DNAJC1: variants seen among roughly 807,000 people sequenced by gnomAD.
DNAJC1 encodes the protein dnaJ homolog subfamily C member 1.
Under a neutral mutation model 76.6 loss-of-function variants are expected in DNAJC1, and 58 were observed. The ratio of observed to expected loss-of-function variants is 0.76; its 90% confidence interval spans 0.61 to 0.94. DNAJC1 has a LOEUF of 0.94. Among genes scored for constraint, DNAJC1 ranks in the 40% least tolerant of loss-of-function variants. The pLI is 0.00. For synonymous variants in DNAJC1, 258 were observed against 267.9 expected, an observed-to-expected ratio of 0.96 and a Z score of 0.36; for missense variants, 689 against 677.3, an observed-to-expected ratio of 1.02 and a Z score of -0.19.
chr10:21,771,257 T>G (rs1281683939), intron 9 of DNAJC1, among the ~76,000 whole-genome samples: 4 of 152,200 alleles, frequency 2.6e-5, no homozygotes, highest in Non-Finnish European at 5.9e-5. Flanking sequence ...TTTTACTTCT[T>G]TTTTTCCATC....
At chr10:21,864,821 G>T (rs1335588412) in intron 8 of DNAJC1, among the ~76,000 whole-genome samples, 1 of 151,990 alleles carries the variant, frequency 6.6e-6, no homozygotes, top group East Asian at 1.9e-4. Flanking sequence ...ATGGGAGAAC[G>T]TATCTGCAAA....
intron 1 of DNAJC1, among the ~76,000 whole-genome samples, chr10:21,991,478 T>C (rs955839943): frequency 2.0e-5 from 3 of 152,168 alleles, no homozygotes; most frequent in African/African-American, 7.2e-5. Flanking sequence ...TCAAAATGTA[T>C]ACTATAGATA....
chr10:21,800,842 C>A (rs1253281164), intron 9 of DNAJC1, among the ~76,000 whole-genome samples: 2 of 152,014 alleles, frequency 1.3e-5, no homozygotes, highest in African/African-American at 4.8e-5. Flanking sequence ...TAAGTGTATT[C>A]TTTGATGTTT....
At position 21,806,103 on chromosome 10, in the gene DNAJC1, C is replaced by A. The variant is rs753519579; in HGVS notation, c.979-4G>T. ...CCTCTTCTGTCCATTCAGGTGCCTG[C>A]AAAACATTAAAGAAAATAAAAAAAG... On this transcript the variant is annotated splice_region_variant and splice_polypyrimidine_tract_variant and intron_variant, in intron 8 of 11. Coordinates refer to ENST00000376980, the MANE Select transcript of DNAJC1 (RefSeq NM_022365.4). 5.3e-5 allele frequency: 84 copies of A among 1,576,154 alleles called. No individual in the cohort carries two copies. Among genetic ancestry groups the A allele is most frequent in the East Asian group, 7.0e-5 (3 of 43,060 alleles).
chr10:21,862,393 A>T (rs1368476709), intron 8 of DNAJC1, among the ~76,000 whole-genome samples: 1 of 151,904 alleles, frequency 6.6e-6, no homozygotes, highest in Non-Finnish European at 1.5e-5. Flanking sequence ...AGGCAGTGTC[A>T]GAAAGATTTC....
At chr10:21,879,777 C>G (rs536175176) in intron 8 of DNAJC1, among the ~76,000 whole-genome samples, 17 of 152,294 alleles carry the variant, frequency 1.1e-4, no homozygotes, top group African/African-American at 4.1e-4. Context: ...CTGAGTCTTT[C>G]AACAAGTCAT....
At chr10:21,825,642 C>T (rs1159062156) in intron 8 of DNAJC1, among the ~76,000 whole-genome samples, 1 of 152,218 alleles carries the variant, frequency 6.6e-6, no homozygotes, top group African/African-American at 2.4e-5. Context: ...TTTACATTCT[C>T]ACTAGCAATG....
chr10:21,803,551 A>G (rs1834838450), intron 9 of DNAJC1, among the ~76,000 whole-genome samples: 1 of 150,384 alleles, frequency 6.6e-6, no homozygotes, highest in South Asian at 2.1e-4. Context: ...TGAGTTACTG[A>G]TTCTACAGAC....
At chr10:21,885,228 A>G (rs866878185) in intron 7 of DNAJC1, among the ~76,000 whole-genome samples, 1 of 151,702 alleles carries the variant, frequency 6.6e-6, no homozygotes, top group Non-Finnish European at 1.5e-5. Context: ...TAATTTAAAG[A>G]TTAAAAAACA....
intron 8 of DNAJC1, among the ~76,000 whole-genome samples, chr10:21,848,098 T>C (rs1484711047): frequency 1.3e-5 from 2 of 152,220 alleles, no homozygotes; most frequent in Non-Finnish European, 2.9e-5. Flanking sequence ...TGTTTCCCTT[T>C]CTCTACATCC....
At chr10:21,934,431 G>C (rs1253912869) in intron 1 of DNAJC1, among the ~76,000 whole-genome samples, 1 of 152,054 alleles carries the variant, frequency 6.6e-6, no homozygotes, top group Non-Finnish European at 1.5e-5. Flanking sequence ...TTGTCTAAGT[G>C]TACAGTGTTT....
chr10:21,962,270 C>G (rs572363820), intron 1 of DNAJC1, among the ~76,000 whole-genome samples: 1 of 152,096 alleles, frequency 6.6e-6, no homozygotes, highest in South Asian at 2.1e-4. Context: ...ACATAGTAAG[C>G]AACCAATAAA....
At chr10:21,782,522 A>T (rs899240075) in intron 9 of DNAJC1, among the ~76,000 whole-genome samples, 17 of 152,228 alleles carry the variant, frequency 1.1e-4, no homozygotes, top group African/African-American at 3.9e-4. Flanking sequence ...ATCAACAGAA[A>T]AAGAGGGATT....
intron 1 of DNAJC1, among the ~76,000 whole-genome samples, chr10:21,968,899 C>A (rs1252257834): frequency 6.6e-6 from 1 of 152,088 alleles, no homozygotes; most frequent in South Asian, 2.1e-4. Context: ...CCTGTTTGTG[C>A]ACAAAACCTG....
At chr10:21,798,132 C>T (rs1241771029) in intron 9 of DNAJC1, among the ~76,000 whole-genome samples, 1 of 152,204 alleles carries the variant, frequency 6.6e-6, no homozygotes, top group Non-Finnish European at 1.5e-5. Context: ...TACAAGGTTA[C>T]AAGTATACAT....
intron 8 of DNAJC1, among the ~76,000 whole-genome samples, chr10:21,831,153 C>T (rs895933310): frequency 2.0e-5 from 3 of 152,074 alleles, no homozygotes; most frequent in African/African-American, 4.8e-5. Flanking sequence ...GTTCCAAAAA[C>T]CCTGTTTGGG....
At chr10:21,819,559 T>C (rs1385110881) in intron 8 of DNAJC1, among the ~76,000 whole-genome samples, 2 of 152,218 alleles carry the variant, frequency 1.3e-5, no homozygotes, top group Non-Finnish European at 2.9e-5. Context: ...AGAAGTTATT[T>C]AATCTCTTAA....
At chr10:21,910,813 A>G (rs1836842746) in intron 6 of DNAJC1, among the ~76,000 whole-genome samples, 2 of 124,384 alleles carry the variant, frequency 1.6e-5, no homozygotes, top group African/African-American at 6.1e-5. Context: ...GAACAAGAAA[A>G]GAAAGGAAAG....
intron 11 of DNAJC1, among the ~76,000 whole-genome samples, chr10:21,757,695 C>A (rs1014720770): frequency 6.6e-6 from 1 of 152,220 alleles, no homozygotes; most frequent in Non-Finnish European, 1.5e-5. Flanking sequence ...CCAGACCCAG[C>A]ACTTAACCCC....
Sources: allele counts gnomAD v4.1 joint callset (sites outside exome capture counted in the v4.1 genomes callset), GRCh38; gene constraint gnomAD v4.1.1; transcripts MANE v1.5; gene names NCBI Gene and HGNC (gene_info 2026-07-23, HGNC 2026-07-21).